CCSER1: variants seen among roughly 807,000 people sequenced by gnomAD.
CCSER1 encodes the protein serine-rich coiled-coil domain-containing protein 1.
In CCSER1, 41 loss-of-function variants were observed where a neutral mutation model predicts 82.0. That is an observed-to-expected ratio of 0.50 (90% CI 0.39 to 0.65). The LOEUF is 0.65. Among genes scored for constraint, CCSER1 ranks in the 30% least tolerant of loss-of-function variants. The probability of loss-of-function intolerance (pLI) is 0.00; values close to 1 mark genes in which losing one functional copy is unlikely to be tolerated. For synonymous variants in CCSER1, 414 were observed against 383.9 expected, an observed-to-expected ratio of 1.08 and a Z score of -0.92; for missense variants, 1,119 against 1,064.2, an observed-to-expected ratio of 1.05 and a Z score of -0.72.
At chr4:90,157,924 T>A (rs1159594066) in intron 1 of CCSER1, among the ~76,000 whole-genome samples, 2 of 152,220 alleles carry the variant, frequency 1.3e-5, no homozygotes, top group African/African-American at 2.4e-5. Flanking sequence ...TGAGGAACTA[T>A]GTTCCTTTGG....
chr4:90,844,075 C>T (rs1015524552), intron 8 of CCSER1, among the ~76,000 whole-genome samples: 1 of 151,510 alleles, frequency 6.6e-6, no homozygotes, highest in African/African-American at 2.4e-5. Context: ...ATTGTACCAC[C>T]ATTCAAATCT....
intron 3 of CCSER1, among the ~76,000 whole-genome samples, chr4:90,390,580 G>A (rs371790381): frequency 1.3e-5 from 2 of 152,042 alleles, no homozygotes; most frequent in Non-Finnish European, 1.5e-5. Context: ...AATGGCCTCC[G>A]CCTCCATCCA....
At chr4:90,888,799 G>A (rs1285249792) in intron 8 of CCSER1, among the ~76,000 whole-genome samples, 2 of 152,108 alleles carry the variant, frequency 1.3e-5, no homozygotes, top group African/African-American at 4.8e-5. Context: ...CCAGTACAGG[G>A]TCACTTGATG....
At chr4:90,604,999 C>G (rs923107421) in intron 5 of CCSER1, among the ~76,000 whole-genome samples, 1 of 112,938 alleles carries the variant, frequency 8.9e-6, no homozygotes, top group African/African-American at 6.4e-5. Context: ...ACTGAGTGAG[C>G]TCCGCTTCCA....
chr4:91,088,012 T>G (rs1468794519), intron 10 of CCSER1, among the ~76,000 whole-genome samples: 1 of 152,116 alleles, frequency 6.6e-6, no homozygotes, highest in Admixed American at 6.5e-5. Context: ...TTAAGGACCT[T>G]GTGATCTCAC....
intron 10 of CCSER1, among the ~76,000 whole-genome samples, chr4:91,165,340 G>A (rs911214199): frequency 6.6e-6 from 1 of 152,160 alleles, no homozygotes; most frequent in South Asian, 2.1e-4. Flanking sequence ...TCCCAGAGGG[G>A]TGCCTGCCTG....
At chr4:91,582,275 C>A (rs1206272154) in intron 10 of CCSER1, among the ~76,000 whole-genome samples, 2 of 151,534 alleles carry the variant, frequency 1.3e-5, no homozygotes, top group African/African-American at 4.8e-5. Flanking sequence ...ACCTGACCTA[C>A]CATTCTGGAC....
chr4:91,162,013 G>T (rs2148979037), intron 10 of CCSER1, among the ~76,000 whole-genome samples: 1 of 152,292 alleles, frequency 6.6e-6, no homozygotes. Flanking sequence ...TCTGGTGCCA[G>T]ATTTCAAAGG....
chr4:90,645,214 G>C (rs1727336676), intron 6 of CCSER1, among the ~76,000 whole-genome samples: 1 of 152,082 alleles, frequency 6.6e-6, no homozygotes. Context: ...TTTTGGATAG[G>C]ATATCAGTGA....
intron 1 of CCSER1, among the ~76,000 whole-genome samples, chr4:90,144,551 C>T (rs1725452065): frequency 2.6e-5 from 4 of 152,082 alleles, no homozygotes; most frequent in Admixed American, 2.6e-4. Context: ...GAGTAAACTC[C>T]TGTTTAAGCA....
At chr4:91,468,475 A>T (rs1757066521) in intron 10 of CCSER1, among the ~76,000 whole-genome samples, 1 of 152,094 alleles carries the variant, frequency 6.6e-6, no homozygotes, top group Non-Finnish European at 1.5e-5. Flanking sequence ...CACTTTGTGC[A>T]CATGTACCCT....
At chr4:90,992,488 TTG>T (rs1234731067) in intron 9 of CCSER1, among the ~76,000 whole-genome samples, 1 of 152,036 alleles carries the variant, frequency 6.6e-6, no homozygotes, top group Non-Finnish European at 1.5e-5. Flanking sequence ...ATCTCACAGT[TTG>T]TTTTGGGTTA....
At chr4:91,109,747 A>C (rs185520015) in intron 10 of CCSER1, among the ~76,000 whole-genome samples, 1 of 152,278 alleles carries the variant, frequency 6.6e-6, no homozygotes, top group African/African-American at 2.4e-5. Context: ...TAACTTCAAT[A>C]TTCATTTCAG....
chr4:90,619,454 A>C (rs1184331752), intron 5 of CCSER1, among the ~76,000 whole-genome samples: 1 of 152,078 alleles, frequency 6.6e-6, no homozygotes, highest in African/African-American at 2.4e-5. Context: ...AGATTAAAAA[A>C]AATTTGTTTG....
chr4:90,648,521 A>G (rs1245554164), intron 6 of CCSER1, among the ~76,000 whole-genome samples: 1 of 58,604 alleles, frequency 1.7e-5, no homozygotes, highest in Admixed American at 1.6e-4. Flanking sequence ...CTAACCACCA[A>G]TGTGACTGTA....
intron 8 of CCSER1, among the ~76,000 whole-genome samples, chr4:90,881,671 G>A (rs1721341063): frequency 6.6e-6 from 1 of 152,152 alleles, no homozygotes; most frequent in African/African-American, 2.4e-5. Flanking sequence ...TGTGGTCCTG[G>A]CTACTGAGGA....
chr4:90,687,388 G>T (rs2149211987), intron 6 of CCSER1, among the ~76,000 whole-genome samples: 1 of 151,662 alleles, frequency 6.6e-6, no homozygotes, highest in South Asian at 2.1e-4. Flanking sequence ...CTGAGGTTTG[G>T]TTGCATGGCT....
chr4:91,006,492 CT>C (rs567997060), intron 9 of CCSER1, among the ~76,000 whole-genome samples: 11,165 of 143,630 alleles, frequency 0.078, 1,011 homozygotes, highest in African/African-American at 0.23. Flanking sequence ...TTCTTTTTTT[CT>C]TTTTTTTTTT....
At chr4:91,459,929 T>G (rs12649871) in intron 10 of CCSER1, among the ~76,000 whole-genome samples, 1 of 151,978 alleles carries the variant, frequency 6.6e-6, no homozygotes, top group South Asian at 2.1e-4. Context: ...TTATTTGAGA[T>G]AGCCATTGAC....
Sources: allele counts gnomAD v4.1 joint callset (sites outside exome capture counted in the v4.1 genomes callset), GRCh38; gene constraint gnomAD v4.1.1; transcripts MANE v1.5; gene names NCBI Gene and HGNC (gene_info 2026-07-23, HGNC 2026-07-21).